The following EPN1 variants were observed in gnomAD, a reference collection of about 807,000 sequenced individuals.
EPN1 encodes the protein epsin 1, also known as epsin-1.
In EPN1, 25 loss-of-function variants were observed where a neutral mutation model predicts 56.9. That is an observed-to-expected ratio of 0.44 (90% CI 0.32 to 0.61). The LOEUF is 0.61. EPN1 is among the 20% of genes least tolerant of loss of function. The pLI is 0.05. For missense variants in EPN1, 785 were observed against 823.7 expected (o/e 0.95, Z 0.58); for synonymous variants, 411 against 361.8 (o/e 1.14, Z -1.54).
chr19:55,698,882 A>G lies in EPN1; in HGVS notation c.*3526A>G, dbSNP rs934874672. 9 of 152,130 alleles carry G rather than the reference A, an allele frequency of 5.9e-5. No individual in the cohort carries two copies. The highest frequency in any genetic ancestry group is 1.7e-4 in the African/African-American group (7 of 41,374). The allele number at this position is 152,130 out of a possible 1,614,324, so 9.4% of individuals were successfully genotyped here. On this transcript the variant is annotated 3_prime_UTR_variant, in exon 11 of 11. Coordinates refer to ENST00000270460, the MANE Select transcript of EPN1 (RefSeq NM_001130072.2). ...TGCCTCAGCCTCTCGAGTAGCTGGGATTACAGGTGCCCACCACCACGCCCA... is the reference window on the plus strand; with the variant it reads ...TGCCTCAGCCTCTCGAGTAGCTGGGGTTACAGGTGCCCACCACCACGCCCA...
At chr19:55,693,282 A>C in intron 9 of EPN1, 1 of 498,220 alleles carries the variant, frequency 2.0e-6, no homozygotes. Flanking sequence ...TCCCACCCGA[A>C]TGTTGACCTC....
Position 55,678,622 on chromosome 19 carries a change from G to A in EPN1, c.-6G>A. Reference sequence around the variant, plus strand: ...CCTGTGCCCCTTGCTGCTGCAGCCGGGCACCATGTCGACCTCGTCCTTGAG... The same window carrying A: ...CCTGTGCCCCTTGCTGCTGCAGCCGAGCACCATGTCGACCTCGTCCTTGAG... On this transcript the variant is annotated 5_prime_UTR_variant, in exon 2 of 11. Transcript: ENST00000270460. 1.2e-6 allele frequency: 2 copies of A among 1,605,488 alleles called. No homozygotes were observed.
intron 2 of EPN1, among the ~76,000 whole-genome samples, chr19:55,685,090 C>G (rs938664975): frequency 2.0e-5 from 3 of 152,260 alleles, no homozygotes; most frequent in Non-Finnish European, 4.4e-5. Context: ...TCCACTCCGT[C>G]TCTCTGGATT....
rs765856253 is a variant in EPN1 at position 55,688,823 on chromosome 19, T to C, written c.479-47T>C. On this transcript the variant is annotated intron_variant, in intron 3 of 10. Transcript: ENST00000270460. ...TGTCTAGGCTATGGGGTTTCCTGTC[T>C]CTCGTTCCCTGGTCTGGGTCTCACG... The C allele has an allele frequency of 6.4e-6, 10 of 1,556,590 alleles. No homozygotes were observed. In the African/African-American group the frequency reaches 8.2e-5, roughly 13 times the overall value.
intron 1 of EPN1, chr19:55,677,021 T>G: frequency 7.8e-7 from 1 of 1,282,942 alleles, no homozygotes; most frequent in Non-Finnish European, 1.1e-6. Context: ...AGAGTTACTT[T>G]TTAACTAGCT....
intron 3 of EPN1, among the ~76,000 whole-genome samples, chr19:55,688,181 AG>A (rs1986290774): frequency 6.6e-6 from 1 of 152,120 alleles, no homozygotes; most frequent in Non-Finnish European, 1.5e-5. Context: ...GAGGGGGGCA[AG>A]GGTCCACAGG....
intron 1 of EPN1, among the ~76,000 whole-genome samples, chr19:55,676,050 G>A (rs1287567824): frequency 6.6e-6 from 1 of 152,148 alleles, no homozygotes; most frequent in Non-Finnish European, 1.5e-5. Context: ...CTGTGTAATT[G>A]CCAGGTGATA....
chr19:55,700,921 G>A lies in EPN1; in HGVS notation c.*5565G>A, dbSNP rs1355714997. 1 of 152,222 alleles carries A rather than the reference G, an allele frequency of 6.6e-6. No individual in the cohort carries two copies. Among genetic ancestry groups the A allele is most frequent in the East Asian group, 1.9e-4 (1 of 5,186 alleles). 9.4% of individuals were successfully genotyped at this position (152,222 alleles called of 1,614,324 possible). A position where few individuals can be genotyped will look rare whatever the true frequency, so the allele number is the denominator to read the frequency against. Reference sequence around the variant, plus strand: ...GAATGTTCTCATCCACCCAAATCAAGCATCACTACATCCATCCGCAGGGGA... The same window carrying A: ...GAATGTTCTCATCCACCCAAATCAAACATCACTACATCCATCCGCAGGGGA... On this transcript the variant is annotated 3_prime_UTR_variant, in exon 11 of 11. Transcript: ENST00000270460.
chr19:55,680,182 G>A (rs891310073), intron 2 of EPN1, among the ~76,000 whole-genome samples: 1 of 152,182 alleles, frequency 6.6e-6, no homozygotes, highest in Non-Finnish European at 1.5e-5. Flanking sequence ...CTTTACTGAG[G>A]TGTAATTTGC....
intron 2 of EPN1, among the ~76,000 whole-genome samples, chr19:55,679,440 C>T (rs1024453989): frequency 6.6e-6 from 1 of 152,220 alleles, no homozygotes. Context: ...GTCCCTGAAT[C>T]TCCCTCTGTG....
rs1884462291 is a variant in EPN1 at position 55,691,864 on chromosome 19, C to A, written c.873C>A (p.Pro291=). The change falls in exon 7 of 11, where the codon CCC becomes CCA. Residue 291 remains proline, a synonymous_variant. Transcript: ENST00000270460. This position sits in a 1 kb window ranked among gnomAD's most constrained non-coding sequence, Gnocchi z 5.6. ...CTGCTGCCGTCCCCACGGCTGCCCC[C>A]ACCTCGGACCCCTGGGGCGGCCCCC... ...PMAAAVPTAA[P]TSDPWGGPPV... is the part of the protein sequence containing the mutation. The A allele has an allele frequency of 1.9e-6, 3 of 1,603,006 alleles. No individual in the cohort carries two copies. The highest frequency in any genetic ancestry group is 2.6e-6 in the Non-Finnish European group (3 of 1,173,422).
intron 3 of EPN1, 85 bp from the exon 4 acceptor site, chr19:55,688,785 A>T: frequency 6.5e-7 from 1 of 1,533,960 alleles, no homozygotes; most frequent in African/African-American, 1.4e-5. Flanking sequence ...GGTTGGACAC[A>T]GAAGCCCCCG....
At position 55,689,628 on chromosome 19, in the gene EPN1, G is replaced by C. The variant is rs961995749; in HGVS notation, c.679-239G>C. Reference sequence around the variant, plus strand: ...TCCCCCCAACGCAGGAGATACCACCGAGGCGGGTGCCCGTCCTCCCCGGGT... The same window carrying C: ...TCCCCCCAACGCAGGAGATACCACCCAGGCGGGTGCCCGTCCTCCCCGGGT... On this transcript the variant is annotated intron_variant, in intron 5 of 10. Coordinates refer to ENST00000270460, the MANE Select transcript of EPN1 (RefSeq NM_001130072.2). The surrounding 1 kb of genome is among the most constrained non-coding windows in gnomAD (Gnocchi z 5.7). Among the ~76,000 whole-genome samples the C allele has an allele frequency of 1.3e-5, 2 of 152,134 alleles. No individual in the cohort carries two copies. Among genetic ancestry groups the C allele is most frequent in the East Asian group, 3.9e-4 (2 of 5,174 alleles).
chr19:55,677,546 C>A (rs1158662066), intron 1 of EPN1: 27 of 1,491,662 alleles, frequency 1.8e-5, no homozygotes, highest in Non-Finnish European at 2.5e-5. Context: ...TATTTAACTT[C>A]CAGGAGCCCA....
chr19:55,688,894 GC>G lies in EPN1; in HGVS notation c.509del (p.Pro170LeufsTer25). On this transcript the variant is annotated frameshift_variant, in exon 4 of 11. Transcript: ENST00000270460. LOFTEE classifies it high-confidence loss of function. Reference sequence around the variant, plus strand: ...GCCTCATCAGCAGCTGTGGGCTCAGGCCCCCCTCCCGAGGCGGAGCAGGCGT... The same window carrying G: ...GCCTCATCAGCAGCTGTGGGCTCAGGCCCCCTCCCGAGGCGGAGCAGGCGT... ...ATASSAAVGS[G>X]PPPEAEQAWP... 1 of 1,580,234 alleles carries G rather than the reference GC, an allele frequency of 6.3e-7. No individual in the cohort carries two copies.
intron 1 of EPN1, among the ~76,000 whole-genome samples, chr19:55,677,954 C>T (rs546196809): frequency 6.6e-6 from 1 of 152,344 alleles, no homozygotes; most frequent in South Asian, 2.1e-4. Context: ...TTCTCTGCCC[C>T]CATGGGGCCT....
In EPN1 at chr19:55,704,194, T is replaced by G. The variant is rs1430138478; in HGVS notation, c.*8838T>G. 6.6e-6 allele frequency: 1 copy of G among 152,648 alleles called. No homozygotes were observed. The highest frequency in any genetic ancestry group is 1.5e-5 in the Non-Finnish European group (1 of 68,396). 9.5% of individuals were successfully genotyped at this position (152,648 alleles called of 1,614,324 possible). A position where few individuals can be genotyped will look rare whatever the true frequency, so the allele number is the denominator to read the frequency against. Reference sequence around the variant, plus strand: ...TCCACGCTCTTTCTCCAGCGCCCCTTGCTCACCCGCCCCCCGTTGGAGTGG... The same window carrying G: ...TCCACGCTCTTTCTCCAGCGCCCCTGGCTCACCCGCCCCCCGTTGGAGTGG... On this transcript the variant is annotated 3_prime_UTR_variant, in exon 11 of 11. Coordinates refer to ENST00000270460, the MANE Select transcript of EPN1 (RefSeq NM_001130072.2).
intron 2 of EPN1, among the ~76,000 whole-genome samples, chr19:55,679,381 G>A (rs1187278129): frequency 4.6e-5 from 7 of 152,246 alleles, no homozygotes; most frequent in Non-Finnish European, 1.5e-5. Context: ...AGTGGCCAAG[G>A]ACATGGGCTG....
At position 55,708,029 on chromosome 19, in the gene EPN1, G is replaced by A. The variant is rs937020255; in HGVS notation, c.*12673G>A. ...AAGTTCATAATTGCTTAAACATATG[G>A]AAAACCTGGAAGTAAAATTAAGCAA... On this transcript the variant is annotated 3_prime_UTR_variant, in exon 11 of 11. Coordinates refer to ENST00000270460, the MANE Select transcript of EPN1 (RefSeq NM_001130072.2). The A allele has an allele frequency of 6.6e-6, 1 of 152,356 alleles. No individual in the cohort carries two copies. The highest frequency in any genetic ancestry group is 2.1e-4 in the South Asian group (1 of 4,844). 9.4% of individuals were successfully genotyped at this position (152,356 alleles called of 1,614,324 possible).
Sources: gnomAD v4.1 joint callset for allele counts (sites outside exome capture counted in the v4.1 genomes callset) on GRCh38, gnomAD v4.1.1 for gene constraint, Gnocchi (gnomAD v3.1) non-coding constraint, MANE v1.5 for transcripts, NCBI Gene and HGNC (gene_info 2026-07-23, HGNC 2026-07-21) for gene names.